The following MARCHF1 variants were observed in gnomAD, a reference collection of about 807,000 sequenced individuals.
The protein encoded by MARCHF1 is E3 ubiquitin-protein ligase MARCHF1.
A neutral mutation model predicts 54.2 loss-of-function variants in MARCHF1; 40 were observed. The ratio of observed to expected loss-of-function variants is 0.74; its 90% CI spans 0.57 to 0.96. The LOEUF is 0.96. Among genes scored for constraint, MARCHF1 ranks in the 40% least tolerant of loss-of-function variants. The pLI is 0.00. For synonymous variants in MARCHF1, 236 were observed against 236.3 expected (o/e 1.00, Z 0.01); for missense variants, 586 against 656.5 (o/e 0.89, Z 1.17).
intron 3 of MARCHF1, among the ~76,000 whole-genome samples, chr4:163,950,328 G>A (rs1752109978): frequency 6.6e-6 from 1 of 152,198 alleles, no homozygotes; most frequent in African/African-American, 2.4e-5. Flanking sequence ...GGGGACTGGC[G>A]TGTCAGTGCT....
rs189222606 is a variant in MARCHF1, at chr4:163,592,520, T to G, written c.1011-6591A>C. The stretch of plus-strand genomic sequence containing the variant: ...AGTCGCAAGTAATCAGCCACATTTT[T>G]TTTTTTTTCACCACCAGACATCACA... On this transcript the variant is annotated intron_variant, in intron 7 of 9. Coordinates refer to ENST00000514618, the MANE Select transcript of MARCHF1 (RefSeq NM_001394959.1). Among the ~76,000 whole-genome samples, 137 of 152,118 alleles carry G rather than the reference T, an allele frequency of 9.0e-4. 1 individual carries two copies. Among genetic ancestry groups the G allele is most frequent in the Middle Eastern group, 3.4e-3 (1 of 294 alleles).
rs1177595872 is a variant in MARCHF1 at position 163,527,091 on chromosome 4, A to G, written c.*1657T>C. On this transcript the variant is annotated 3_prime_UTR_variant, in exon 10 of 10. Transcript: ENST00000514618. Reference sequence around the variant, plus strand: ...TTCTTATGGCCATCATTGCCTTTTCATGTTAATAAATAATGACAGCTAACA... The same window carrying G: ...TTCTTATGGCCATCATTGCCTTTTCGTGTTAATAAATAATGACAGCTAACA... The G allele has an allele frequency of 6.6e-6, 1 of 151,900 alleles. No homozygotes were observed. The highest frequency in any genetic ancestry group is 1.5e-5 in the Non-Finnish European group (1 of 67,912). 9.4% of individuals were successfully genotyped at this position (151,900 alleles called of 1,614,324 possible). A position where few individuals can be genotyped will look rare whatever the true frequency, so the allele number is the denominator to read the frequency against.
At chr4:163,978,651 C>T (rs563922888) in intron 3 of MARCHF1, among the ~76,000 whole-genome samples, 117 of 152,214 alleles carry the variant, frequency 7.7e-4, no homozygotes, top group Non-Finnish European at 1.2e-3. Context: ...TACTCTGTTG[C>T]CAATTGAAAT....
At chr4:164,085,078 C>T (rs1479708500) in intron 2 of MARCHF1, among the ~76,000 whole-genome samples, 1 of 151,712 alleles carries the variant, frequency 6.6e-6, no homozygotes, top group Non-Finnish European at 1.5e-5. Context: ...AGTTTTCTCT[C>T]CACTTCCTCT....
At chr4:164,100,823 G>C (rs1435821873) in intron 2 of MARCHF1, among the ~76,000 whole-genome samples, 3 of 152,208 alleles carry the variant, frequency 2.0e-5, no homozygotes, top group Non-Finnish European at 2.9e-5. Flanking sequence ...CAGAAGACAG[G>C]TGATTTCTGC....
intron 8 of MARCHF1, among the ~76,000 whole-genome samples, chr4:163,577,355 T>C (rs1288367628): frequency 6.6e-6 from 1 of 152,114 alleles, no homozygotes; most frequent in Admixed American, 6.6e-5. Context: ...TTTGGTGGGT[T>C]ATAAACTTCT....
At chr4:163,771,524 C>T (rs1392297701) in intron 4 of MARCHF1, among the ~76,000 whole-genome samples, 3 of 152,168 alleles carry the variant, frequency 2.0e-5, no homozygotes, top group Non-Finnish European at 2.9e-5. Flanking sequence ...TGTATCTTCA[C>T]GCAGTAGAAA....
At chr4:164,128,360 CA>C (rs1756230831) in intron 1 of MARCHF1, among the ~76,000 whole-genome samples, 2 of 151,694 alleles carry the variant, frequency 1.3e-5, no homozygotes, top group Non-Finnish European at 1.5e-5. Context: ...CATGCAAATT[CA>C]AAAGATAAAA....
chr4:164,066,647 G>A (rs1754735937), intron 2 of MARCHF1, among the ~76,000 whole-genome samples: 1 of 152,092 alleles, frequency 6.6e-6, no homozygotes, highest in South Asian at 2.1e-4. Flanking sequence ...GCTGGATAAA[G>A]AAAATGTGGT....
intron 2 of MARCHF1, among the ~76,000 whole-genome samples, chr4:164,015,509 T>G (rs1399701870): frequency 6.6e-6 from 1 of 152,044 alleles, no homozygotes; most frequent in Non-Finnish European, 1.5e-5. Flanking sequence ...ATTAACAAAC[T>G]GAAAAGACAG....
intron 3 of MARCHF1, among the ~76,000 whole-genome samples, chr4:163,862,679 A>G (rs1749964842): frequency 6.6e-6 from 1 of 152,064 alleles, no homozygotes; most frequent in Non-Finnish European, 1.5e-5. Context: ...GGTAAACATA[A>G]TCTTATCATA....
intron 8 of MARCHF1, among the ~76,000 whole-genome samples, chr4:163,582,995 C>G (rs938714773): frequency 6.6e-6 from 1 of 152,072 alleles, no homozygotes. Context: ...GTTTTTAAAG[C>G]CTATGCATCA....
At chr4:164,030,225 CAG>C (rs1174932765) in intron 2 of MARCHF1, among the ~76,000 whole-genome samples, 12 of 151,158 alleles carry the variant, frequency 7.9e-5, no homozygotes, top group South Asian at 2.1e-4. Context: ...TTTTATAAAA[CAG>C]AGTTTAAAAA....
chr4:163,842,096 A>C (rs1749355749), intron 4 of MARCHF1, among the ~76,000 whole-genome samples: 1 of 152,180 alleles, frequency 6.6e-6, no homozygotes. Context: ...ATTATGCTAA[A>C]AAGTTAAAAC....
intron 2 of MARCHF1, among the ~76,000 whole-genome samples, chr4:164,097,515 A>G (rs1448272982): frequency 2.6e-5 from 4 of 152,198 alleles, no homozygotes; most frequent in Non-Finnish European, 2.9e-5. Context: ...ACATATGCCT[A>G]GATCTTGTTA....
intron 1 of MARCHF1, among the ~76,000 whole-genome samples, chr4:164,323,265 G>A (rs1183314879): frequency 1.3e-5 from 2 of 151,188 alleles, no homozygotes; most frequent in South Asian, 4.2e-4. Flanking sequence ...AATAACCCCT[G>A]GATCAAAGAG....
intron 4 of MARCHF1, 26 bp downstream of exon 4, chr4:163,853,995 T>G (rs1448434350): frequency 1.3e-6 from 2 of 1,534,178 alleles, no homozygotes; most frequent in Admixed American, 2.0e-5. Flanking sequence ...ATAAGCCAAT[T>G]TGAGGTAAAG....
intron 5 of MARCHF1, among the ~76,000 whole-genome samples, chr4:163,685,882 GT>G (rs1744255225): frequency 6.6e-6 from 1 of 152,176 alleles, no homozygotes; most frequent in South Asian, 2.1e-4. Flanking sequence ...TATGGAGGTG[GT>G]TTGGCACTTT....
At chr4:163,886,958 T>A (rs1167578788) in intron 3 of MARCHF1, among the ~76,000 whole-genome samples, 1 of 152,178 alleles carries the variant, frequency 6.6e-6, no homozygotes, top group African/African-American at 2.4e-5. Context: ...TTCAACATCT[T>A]CAAATGTTAT....
Sources: gnomAD v4.1 joint callset for allele counts (sites outside exome capture counted in the v4.1 genomes callset) on GRCh38, gnomAD v4.1.1 for gene constraint, MANE v1.5 for transcripts, NCBI Gene and HGNC (gene_info 2026-07-23, HGNC 2026-07-21) for gene names.